LY9: variants seen among roughly 807,000 people sequenced by gnomAD.
LY9 encodes the protein lymphocyte antigen 9, also known as T-lymphocyte surface antigen Ly-9.
In LY9, 59 loss-of-function variants were observed where a neutral mutation model predicts 64.6. The observed-to-expected ratio is 0.91, with a 90% CI of 0.74 to 1.13. The LOEUF (loss-of-function observed/expected upper bound fraction) is 1.13. Ranked by LOEUF, LY9 falls within the 50% of genes most tolerant of loss-of-function variation. The probability of loss-of-function intolerance (pLI) is 0.00; values close to 1 mark genes in which losing one functional copy is unlikely to be tolerated. For missense variants in LY9, 789 were observed against 797.2 expected (o/e 0.99, Z 0.12); for synonymous variants, 281 against 308.5 (o/e 0.91, Z 0.93).
chr1:160,799,867 G>A lies in LY9; in HGVS notation c.239G>A (p.Trp80Ter). ...GACACAGAGATTGAGAACGTCATCTGGATTGGTCCCAAAAATGCTCTTGCT... is the reference window on the plus strand; with the variant it reads ...GACACAGAGATTGAGAACGTCATCTAGATTGGTCCCAAAAATGCTCTTGCT... ...SVDTEIENVI[W>*]IGPKNALAFA... Residue 80 changes from tryptophan to a stop codon, truncating the protein, a stop_gained, in exon 2 of 10, where the codon TGG (tryptophan) becomes TAG (stop). Coordinates refer to ENST00000263285, the MANE Select transcript of LY9 (RefSeq NM_002348.4). LOFTEE classifies it high-confidence loss of function. 6.2e-7 allele frequency: 1 copy of A among 1,614,122 alleles called. No individual in the cohort carries two copies. The highest frequency in any genetic ancestry group is 8.5e-7 in the Non-Finnish European group (1 of 1,179,992).
intron 7 of LY9, among the ~76,000 whole-genome samples, chr1:160,822,407 G>T (rs193256633): frequency 6.6e-6 from 1 of 152,256 alleles, no homozygotes; most frequent in South Asian, 2.1e-4. Flanking sequence ...TTATGCAAAT[G>T]GATTTTCCAG....
In LY9 at chr1:160,808,498, T is replaced by C. The variant is rs115990354; in HGVS notation, c.455-5138T>C. 8.9e-3 allele frequency among the ~76,000 whole-genome samples: 1,350 copies of C among 152,164 alleles called. 24 individuals carry two copies. The highest frequency in any genetic ancestry group is 0.031 in the African/African-American group (1,291 of 41,510). ...ACAGTCTCCCAGCAGCTCCCTATGG[T>C]AGTTTCAGGGATTGGGAGGGTCAAA... On this transcript the variant is annotated intron_variant, in intron 2 of 9. Coordinates refer to ENST00000263285, the MANE Select transcript of LY9 (RefSeq NM_002348.4).
At chr1:160,810,439 CTT>C (rs1667381390) in intron 2 of LY9, 1 of 152,184 alleles carries the variant, frequency 6.6e-6, no homozygotes, top group Non-Finnish European at 1.5e-5. Context: ...ACAGTCATTC[CTT>C]TGTCTGTGTT....
intron 7 of LY9, among the ~76,000 whole-genome samples, chr1:160,819,684 G>A (rs925007783): frequency 6.6e-6 from 1 of 151,578 alleles, no homozygotes; most frequent in Non-Finnish European, 1.5e-5. Context: ...CCAGCTACTC[G>A]GGAGGCTGAG....
Position 160,800,068 on chromosome 1 carries a change from C to T in LY9, c.440C>T (p.Thr147Ile), listed in dbSNP as rs768912852. 8 of 1,612,388 alleles carry T rather than the reference C, an allele frequency of 5.0e-6. No homozygotes were observed. Among genetic ancestry groups the T allele is most frequent in the Admixed American group, 3.3e-5 (2 of 59,948 alleles). The change falls in exon 2 of 10, where the codon ACC becomes ATC. Residue 147 changes from threonine to isoleucine, a missense_variant. Thr to Ile is a moderately conservative substitution (Grantham distance 89). Transcript: ENST00000263285. Reference sequence around the variant, plus strand: ...GAAGTCACCACTGAGGAGGAATTCACCCTGTTCGTCTATGGTGAGTTCCAG... The same window carrying T: ...GAAGTCACCACTGAGGAGGAATTCATCCTGTTCGTCTATGGTGAGTTCCAG... ...NFEVTTEEEF[T>I]LFVYEQLQEP...
chr1:160,808,495 T>C (rs1667191670), intron 2 of LY9, among the ~76,000 whole-genome samples: 1 of 152,100 alleles, frequency 6.6e-6, no homozygotes, highest in Admixed American at 6.5e-5. Context: ...CAGCTCCCTA[T>C]GGTAGTTTCA....
Position 160,828,022 on chromosome 1 carries a change from C to G in LY9, c.*206C>G. On this transcript the variant is annotated 3_prime_UTR_variant, in exon 10 of 10. Coordinates refer to ENST00000263285, the MANE Select transcript of LY9 (RefSeq NM_002348.4). ...TTCAGACACAGGCTCCTTCTTGGAG[C>G]CTATGGGCTTCAGATGTCTTTGCCC... 2 of 402,188 alleles carry G rather than the reference C, an allele frequency of 5.0e-6. No homozygotes were observed. Among genetic ancestry groups the G allele is most frequent in the Non-Finnish European group, 9.0e-6 (2 of 223,006 alleles). The allele number at this position is 402,188 out of a possible 1,614,324, so 24.9% of individuals were successfully genotyped here.
chr1:160,813,610 A>G lies in LY9; in HGVS notation c.455-26A>G. 3.1e-6 allele frequency: 5 copies of G among 1,602,030 alleles called. 1 individual carries two copies. Among genetic ancestry groups the G allele is most frequent in the Admixed American group, 3.4e-5 (2 of 58,976 alleles). On this transcript the variant is annotated intron_variant, in intron 2 of 9. Coordinates refer to ENST00000263285, the MANE Select transcript of LY9 (RefSeq NM_002348.4). Reference sequence around the variant, plus strand: ...TTCCTGCTGGCAAAAGGATCTGAGCATCTTCCCATGCTGTTGTCCCTGCAG... The same window carrying G: ...TTCCTGCTGGCAAAAGGATCTGAGCGTCTTCCCATGCTGTTGTCCCTGCAG...
At chr1:160,801,887 T>C in intron 2 of LY9, 1 of 1,614,060 alleles carries the variant, frequency 6.2e-7, no homozygotes, top group Non-Finnish European at 8.5e-7. Context: ...GCACCCTGGC[T>C]GAGCCACGTG....
At chr1:160,805,694 G>T (rs1558088287) in intron 2 of LY9, among the ~76,000 whole-genome samples, 1 of 151,658 alleles carries the variant, frequency 6.6e-6, no homozygotes, top group Non-Finnish European at 1.5e-5. Context: ...AGAGTGGAGT[G>T]CTGAAGTCCT....
intron 9 of LY9, among the ~76,000 whole-genome samples, chr1:160,826,703 T>C (rs188845859): frequency 6.6e-6 from 1 of 152,324 alleles, no homozygotes; most frequent in East Asian, 1.9e-4. Context: ...TGGATAGAAT[T>C]TGCTCAGTAA....
chr1:160,806,130 T>A (rs1451814712), intron 2 of LY9, among the ~76,000 whole-genome samples: 1 of 152,158 alleles, frequency 6.6e-6, no homozygotes, highest in Admixed American at 6.5e-5. Context: ...CATTCCACCA[T>A]TCTACATCTT....
chr1:160,813,467 G>A, intron 2 of LY9, 169 bp from the exon 3 acceptor site: 1 of 621,502 alleles, frequency 1.6e-6, no homozygotes, highest in Non-Finnish European at 2.8e-6. Flanking sequence ...TGTTATGGGA[G>A]TACAGAGGAG....
intron 2 of LY9, among the ~76,000 whole-genome samples, chr1:160,809,159 G>T (rs541455570): frequency 6.6e-6 from 1 of 151,090 alleles, no homozygotes; most frequent in African/African-American, 2.4e-5. Flanking sequence ...ATATATATGG[G>T]GTCAAATTAC....
At chr1:160,802,145 C>T in intron 2 of LY9, 1 of 1,303,568 alleles carries the variant, frequency 7.7e-7, no homozygotes. Flanking sequence ...TGAAGAGCCG[C>T]TGACGCCCGC....
chr1:160,797,227 G>A (rs1272786995), intron 1 of LY9: 3 of 985,462 alleles, frequency 3.0e-6, no homozygotes, highest in Non-Finnish European at 3.6e-6. Flanking sequence ...GGCAGCTACT[G>A]TCCTTCTGTG....
rs758482013 is a variant in LY9, at chr1:160,816,694, T to C, written c.1173T>C (p.Thr391=). ...LTCSVEDGGN[T]VMYTWTPLQK... The stretch of plus-strand genomic sequence containing the variant: ...GCTCCGTGGAGGACGGGGGAAACAC[T>C]GTCATGTACACATGGACCCCGCTGC... Residue 391 remains threonine (T), a synonymous_variant, in exon 5 of 10, where the codon ACT becomes ACC. Transcript: ENST00000263285. The C allele has an allele frequency of 1.2e-5, 19 of 1,614,196 alleles. No homozygotes were observed. In the Admixed American group the frequency reaches 3.0e-4, roughly 25 times the overall value.
At chr1:160,799,355 A>T (rs1207786421) in intron 1 of LY9, 1 of 170,762 alleles carries the variant, frequency 5.9e-6, no homozygotes, top group Non-Finnish European at 1.2e-5. Context: ...TTTTTACTTC[A>T]TTGGCTCTTC....
intron 5 of LY9, among the ~76,000 whole-genome samples, chr1:160,817,372 A>G (rs1021950951): frequency 2.0e-5 from 3 of 152,242 alleles, no homozygotes; most frequent in Admixed American, 6.5e-5. Context: ...AATTTAAACT[A>G]AAACTAAATA....
Sources: allele counts gnomAD v4.1 joint callset (sites outside exome capture counted in the v4.1 genomes callset), GRCh38; gene constraint gnomAD v4.1.1; transcripts MANE v1.5; gene names NCBI Gene and HGNC (gene_info 2026-07-23, HGNC 2026-07-21).